Variants in PFDN2 observed in about 807,000 individuals in gnomAD.
The protein encoded by PFDN2 is prefoldin subunit 2.
A neutral mutation model predicts 18.3 loss-of-function variants in PFDN2; 7 were observed. The ratio of observed to expected loss-of-function variants is 0.38; its 90% CI spans 0.22 to 0.72. The LOEUF is 0.72. PFDN2 is among the 30% of genes least tolerant of loss of function. The probability of loss-of-function intolerance (pLI) is 0.47; values close to 1 mark genes in which losing one functional copy is unlikely to be tolerated. For synonymous variants in PFDN2, 76 were observed against 75.0 expected (o/e 1.01, Z -0.07); for missense variants, 181 against 199.1 (o/e 0.91, Z 0.55).
intron 1 of PFDN2, among the ~76,000 whole-genome samples, chr1:161,112,827 A>G (rs1301314796): frequency 1.3e-5 from 2 of 152,126 alleles, no homozygotes; most frequent in Non-Finnish European, 1.5e-5. Flanking sequence ...AATGTTCAAC[A>G]TATACTATTA....
chr1:161,114,383 TCCACCTCAAACATTAAGTC>T (rs1654865630), intron 1 of PFDN2, among the ~76,000 whole-genome samples: 1 of 152,218 alleles, frequency 6.6e-6, no homozygotes, highest in Non-Finnish European at 1.5e-5. Context: ...AGTTCTGTAA[TCCACCTCAAACATTAAGTC>T]CCACCTGCAT....
At chr1:161,103,257 G>C (rs772167460) in intron 1 of PFDN2, among the ~76,000 whole-genome samples, 31 of 152,134 alleles carry the variant, frequency 2.0e-4, no homozygotes, top group Admixed American at 3.3e-4. Flanking sequence ...TGGTTCTGTA[G>C]AGATGACCTT....
At chr1:161,107,672 G>A (rs572650752) in intron 1 of PFDN2, among the ~76,000 whole-genome samples, 4 of 138,236 alleles carry the variant, frequency 2.9e-5, no homozygotes, top group Admixed American at 7.4e-5. Context: ...AAAATTAGCC[G>A]GGCGTGGTGG....
intron 1 of PFDN2, among the ~76,000 whole-genome samples, chr1:161,103,099 C>T (rs1193196301): frequency 6.6e-6 from 1 of 152,124 alleles, no homozygotes; most frequent in Admixed American, 6.6e-5. Context: ...CATTGGGGAA[C>T]TGCCCCTCCT....
intron 1 of PFDN2, among the ~76,000 whole-genome samples, chr1:161,110,525 T>C (rs1654782237): frequency 6.6e-6 from 1 of 152,198 alleles, no homozygotes; most frequent in African/African-American, 2.4e-5. Flanking sequence ...GTTTACCATA[T>C]AGTTTTAATA....
chr1:161,100,624 C>A lies in PFDN2; in HGVS notation c.*59G>T. On this transcript the variant is annotated 3_prime_UTR_variant, in exon 4 of 4. Coordinates refer to ENST00000368010, the MANE Select transcript of PFDN2 (RefSeq NM_012394.4). ...ATAGCAGAGAAAATAATAATAATAA[C>A]AATAAAGAGAAATTAGAAGTGGGAG... 1 of 1,136,536 alleles carries A rather than the reference C, an allele frequency of 8.8e-7. No individual in the cohort carries two copies. The highest frequency in any genetic ancestry group is 1.2e-6 in the Non-Finnish European group (1 of 803,178). The allele number at this position is 1,136,536 out of a possible 1,614,324, so 70.4% of individuals were successfully genotyped here.
intron 1 of PFDN2, 127 bp from the exon 2 acceptor site, chr1:161,102,502 C>A (rs2101698996): frequency 1.5e-6 from 1 of 657,334 alleles, no homozygotes; most frequent in East Asian, 2.7e-5. Context: ...GGAGTAGAAC[C>A]ACAAGTTTGC....
In PFDN2 at chr1:161,117,993, T is replaced by C. The variant is rs781295624; in HGVS notation, c.34A>G (p.Ser12Gly). 16 of 1,612,742 alleles carry C rather than the reference T, an allele frequency of 9.9e-6. No homozygotes were observed. The highest frequency in any genetic ancestry group is 1.4e-5 in the Non-Finnish European group (16 of 1,179,566). ...GCCCCCTTCCCCGCGCCGCTCCCGC[T>C]GCTCTTGCCGGCGCGACCGCTGTTC... is the stretch of plus-strand genomic sequence containing the variant. The part of the protein sequence containing the change: ...AENSGRAGKS[S>G]GSGAGKGAVS... The change falls in exon 1 of 4, where the codon AGC becomes GGC. Residue 12 changes from serine to glycine, a missense_variant. By Grantham distance (56) the Ser-to-Gly change is moderately conservative. Coordinates refer to ENST00000368010, the MANE Select transcript of PFDN2 (RefSeq NM_012394.4).
In PFDN2 at chr1:161,105,722, G is replaced by C. The variant is rs1371590735; in HGVS notation, c.76-3347C>G. Among the ~76,000 whole-genome samples, 4 of 152,148 alleles carry C rather than the reference G, an allele frequency of 2.6e-5. No homozygotes were observed. In the East Asian group the frequency reaches 7.7e-4, roughly 29 times the overall value. ...GATCCACCCACCTCAGACTCCCAAA[G>C]TGCTGGGATTACAGGCGTGAGCCAC... is the stretch of plus-strand genomic sequence containing the variant. On this transcript the variant is annotated intron_variant, in intron 1 of 3. Coordinates refer to ENST00000368010, the MANE Select transcript of PFDN2 (RefSeq NM_012394.4).
At chr1:161,107,790 T>G (rs896262283) in intron 1 of PFDN2, among the ~76,000 whole-genome samples, 2 of 150,928 alleles carry the variant, frequency 1.3e-5, no homozygotes, top group Non-Finnish European at 2.9e-5. Context: ...CACTCCAATC[T>G]GGGATACAGA....
intron 1 of PFDN2, among the ~76,000 whole-genome samples, chr1:161,112,872 G>A (rs1293839277): frequency 6.0e-5 from 9 of 149,462 alleles, no homozygotes; most frequent in Non-Finnish European, 1.2e-4. Flanking sequence ...AGTACATACT[G>A]TAGTATAATC....
chr1:161,113,183 T>C (rs954437648), intron 1 of PFDN2, among the ~76,000 whole-genome samples: 1 of 152,208 alleles, frequency 6.6e-6, no homozygotes, highest in African/African-American at 2.4e-5. Context: ...CATAAATTCT[T>C]TGGCATGCAC....
rs779824771 is a variant in PFDN2, at chr1:161,102,121, C to T, written c.215G>A (p.Arg72His). ...KEVDETRKCY[R>H]MVGGVLVERT... is the part of the protein sequence containing the mutation. ...CTCCACCAGCACTCCTCCAACCATG[C>T]GGTAGCACTTACGAGTTTCATCTAC... Residue 72 changes from arginine to histidine, a missense_variant, in exon 3 of 4, where the codon CGC becomes CAC. Transcript: ENST00000368010. 1.1e-5 allele frequency: 17 copies of T among 1,614,004 alleles called. No homozygotes were observed. In the East Asian group the frequency reaches 1.8e-4, roughly 17 times the overall value.
intron 1 of PFDN2, among the ~76,000 whole-genome samples, chr1:161,106,264 C>T (rs1438712228): frequency 1.3e-5 from 2 of 152,160 alleles, no homozygotes; most frequent in African/African-American, 2.4e-5. Flanking sequence ...GTACAGCCTA[C>T]AGAACCATGA....
intron 1 of PFDN2, among the ~76,000 whole-genome samples, chr1:161,109,159 T>C (rs1027235295): frequency 6.6e-6 from 1 of 152,214 alleles, no homozygotes; most frequent in Non-Finnish European, 1.5e-5. Context: ...GTGTCCTAAG[T>C]CACTGGTAGT....
intron 1 of PFDN2, among the ~76,000 whole-genome samples, chr1:161,116,229 T>TA (rs1312187448): frequency 4.1e-5 from 6 of 145,888 alleles, no homozygotes; most frequent in Non-Finnish European, 4.5e-5. Flanking sequence ...ACTCTGTCTC[T>TA]AAAAAAAAAA....
At chr1:161,114,200 AAT>A (rs1654862260) in intron 1 of PFDN2, among the ~76,000 whole-genome samples, 1 of 152,220 alleles carries the variant, frequency 6.6e-6, no homozygotes, top group Non-Finnish European at 1.5e-5. Context: ...GTGTCTACTG[AAT>A]GTTTAACCTG....
At chr1:161,113,760 C>A (rs1023615277) in intron 1 of PFDN2, among the ~76,000 whole-genome samples, 1 of 152,168 alleles carries the variant, frequency 6.6e-6, no homozygotes, top group Non-Finnish European at 1.5e-5. Context: ...CCAGCCTGGG[C>A]AACAGAATGA....
intron 1 of PFDN2, among the ~76,000 whole-genome samples, chr1:161,114,356 C>T (rs114356158): frequency 3.9e-4 from 60 of 152,298 alleles, no homozygotes; most frequent in Admixed American, 3.5e-3. Flanking sequence ...TCTTTTACCC[C>T]CTTTTCTCCA....
Sources: allele counts gnomAD v4.1 joint callset (sites outside exome capture counted in the v4.1 genomes callset), GRCh38; gene constraint gnomAD v4.1.1; transcripts MANE v1.5; gene names NCBI Gene and HGNC (gene_info 2026-07-23, HGNC 2026-07-21).